The following GRIK2 variants were observed in gnomAD, a reference collection of about 807,000 sequenced individuals.
GRIK2 encodes the protein glutamate ionotropic receptor kainate type subunit 2.
A neutral mutation model predicts 100.3 loss-of-function variants in GRIK2; 32 were observed. The observed-to-expected ratio is 0.32, with a 90% CI of 0.24 to 0.43. The LOEUF (loss-of-function observed/expected upper bound fraction) is 0.43. Ranked by LOEUF, GRIK2 falls within the 20% of genes least tolerant of loss-of-function variation. GRIK2 has a pLI of 1.00. For synonymous variants in GRIK2, 417 were observed against 389.4 expected, an observed-to-expected ratio of 1.07 and a Z score of -0.83; for missense variants, 843 against 1,114.9, an observed-to-expected ratio of 0.76 and a Z score of 3.47.
chr6:101,862,036 C>A (rs1176120774), intron 11 of GRIK2, among the ~76,000 whole-genome samples: 1 of 152,086 alleles, frequency 6.6e-6, no homozygotes, highest in African/African-American at 2.4e-5. Context: ...TACAACGGAA[C>A]AGAAATTAAG....
intron 8 of GRIK2, 129 bp downstream of exon 8, chr6:101,799,920 A>C: frequency 1.4e-6 from 1 of 690,100 alleles, no homozygotes; most frequent in South Asian, 2.0e-5. Context: ...CTTACTCCAA[A>C]TAAGCAAAAT....
At chr6:101,770,843 T>C (rs1300461402) in intron 7 of GRIK2, among the ~76,000 whole-genome samples, 2 of 152,194 alleles carry the variant, frequency 1.3e-5, no homozygotes, top group Non-Finnish European at 2.9e-5. Flanking sequence ...TGTGTTCTTC[T>C]GCACCAACTC....
chr6:101,450,653 G>A (rs781514721), intron 2 of GRIK2, among the ~76,000 whole-genome samples: 1 of 151,530 alleles, frequency 6.6e-6, no homozygotes, highest in African/African-American at 2.4e-5. Context: ...ACATAATAGA[G>A]TTCATCCTTT....
chr6:101,676,528 G>T, intron 4 of GRIK2, 95 bp from the exon 5 acceptor site: 1 of 702,114 alleles, frequency 1.4e-6, no homozygotes, highest in Non-Finnish European at 2.2e-6. Context: ...GAAATAAGAA[G>T]AAAATTATAC....
chr6:101,825,863 T>A (rs1368852862), intron 10 of GRIK2, among the ~76,000 whole-genome samples: 1 of 152,106 alleles, frequency 6.6e-6, no homozygotes, highest in Admixed American at 6.6e-5. Flanking sequence ...AATAGGACCA[T>A]ATACACTTGT....
chr6:101,870,568 G>A (rs1283732240), intron 11 of GRIK2, among the ~76,000 whole-genome samples: 2 of 151,620 alleles, frequency 1.3e-5, no homozygotes, highest in Non-Finnish European at 2.9e-5. Flanking sequence ...TAGTCAAGAT[G>A]GTCAATAAAT....
At chr6:101,773,071 G>A (rs1429788072) in intron 7 of GRIK2, among the ~76,000 whole-genome samples, 3 of 152,132 alleles carry the variant, frequency 2.0e-5, no homozygotes, top group African/African-American at 7.2e-5. Context: ...TTCATATGGG[G>A]CAGGGATATT....
At chr6:102,031,381 C>T (rs180867153) in intron 14 of GRIK2, among the ~76,000 whole-genome samples, 90 of 151,068 alleles carry the variant, frequency 6.0e-4, no homozygotes, top group Admixed American at 1.5e-3. Flanking sequence ...AAACCTGGAC[C>T]CTGGTCAGTG....
chr6:101,613,663 A>G (rs1298056765), intron 2 of GRIK2, among the ~76,000 whole-genome samples: 1 of 151,546 alleles, frequency 6.6e-6, no homozygotes, highest in African/African-American at 2.4e-5. Context: ...TTTATCTATA[A>G]TACATTAACT....
intron 7 of GRIK2, among the ~76,000 whole-genome samples, chr6:101,716,267 AATAAAT>A (rs1774061161): frequency 1.3e-5 from 2 of 151,760 alleles, no homozygotes; most frequent in African/African-American, 4.8e-5. Flanking sequence ...GATAATAAAT[AATAAAT>A]ATAGTTAGGT....
intron 7 of GRIK2, among the ~76,000 whole-genome samples, chr6:101,697,264 A>G (rs1772555159): frequency 6.6e-6 from 1 of 151,906 alleles, no homozygotes; most frequent in Non-Finnish European, 1.5e-5. Flanking sequence ...TTGTGGTTTA[A>G]TTAACTGATT....
At chr6:101,855,707 A>G (rs544186011) in intron 10 of GRIK2, among the ~76,000 whole-genome samples, 2 of 152,318 alleles carry the variant, frequency 1.3e-5, no homozygotes, top group African/African-American at 4.8e-5. Flanking sequence ...CAGCATAAAC[A>G]GTTTTTATTT....
chr6:101,687,710 T>A (rs2128344729), intron 7 of GRIK2, among the ~76,000 whole-genome samples: 1 of 151,962 alleles, frequency 6.6e-6, no homozygotes, highest in East Asian at 1.9e-4. Flanking sequence ...CTACTAGAAT[T>A]TCAAAATATA....
intron 10 of GRIK2, among the ~76,000 whole-genome samples, chr6:101,845,026 G>A (rs952176247): frequency 6.6e-6 from 1 of 151,610 alleles, no homozygotes; most frequent in African/African-American, 2.4e-5. Context: ...TGTTGTTGTT[G>A]TTGTCGTTTT....
chr6:101,723,081 T>G (rs1451020818), intron 7 of GRIK2, among the ~76,000 whole-genome samples: 1 of 151,986 alleles, frequency 6.6e-6, no homozygotes, highest in East Asian at 1.9e-4. Flanking sequence ...GTAGTTAGAG[T>G]CCATGCTCAC....
chr6:101,759,875 TTATTTTTA>T (rs1286084186), intron 7 of GRIK2, among the ~76,000 whole-genome samples: 31 of 136,532 alleles, frequency 2.3e-4, no homozygotes, highest in African/African-American at 9.8e-4. Context: ...TTATTTATTT[TTATTTTTA>T]TTTTTTTTTG....
intron 2 of GRIK2, among the ~76,000 whole-genome samples, chr6:101,486,572 G>A (rs1376771047): frequency 6.6e-6 from 1 of 152,156 alleles, no homozygotes; most frequent in Non-Finnish European, 1.5e-5. Context: ...ATTCTTTGGT[G>A]GATGAAGGGA....
chr6:101,867,713 G>A (rs1436959016), intron 11 of GRIK2, among the ~76,000 whole-genome samples: 1 of 151,370 alleles, frequency 6.6e-6, no homozygotes, highest in Admixed American at 6.6e-5. Context: ...AATAAAGAAT[G>A]TCTTCTCATG....
At chr6:101,879,196 T>G (rs1786074240) in intron 11 of GRIK2, among the ~76,000 whole-genome samples, 1 of 152,010 alleles carries the variant, frequency 6.6e-6, no homozygotes, top group Non-Finnish European at 1.5e-5. Context: ...AACTTAAAGG[T>G]AAGAAAAGAG....
Sources: allele counts gnomAD v4.1 joint callset (sites outside exome capture counted in the v4.1 genomes callset), GRCh38; gene constraint gnomAD v4.1.1; transcripts MANE v1.5; gene names NCBI Gene and HGNC (gene_info 2026-07-23, HGNC 2026-07-21).